Variants in GLP1R observed in about 807,000 individuals in gnomAD.
GLP1R encodes the protein glucagon like peptide 1 receptor, also known as glucagon-like peptide 1 receptor.
Under a neutral mutation model 68.4 loss-of-function variants are expected in GLP1R, and 32 were observed. The ratio of observed to expected loss-of-function variants is 0.47; its 90% confidence interval spans 0.35 to 0.63. The LOEUF (loss-of-function observed/expected upper bound fraction) is 0.63. GLP1R is among the 20% of genes least tolerant of loss of function. GLP1R has a pLI of 0.00. For missense variants in GLP1R, 502 were observed against 594.9 expected, an observed-to-expected ratio of 0.84 and a Z score of 1.62; for synonymous variants, 263 against 244.4, an observed-to-expected ratio of 1.08 and a Z score of -0.71.
At chr6:39,063,075 G>A (rs1415541316) in intron 3 of GLP1R, among the ~76,000 whole-genome samples, 2 of 152,170 alleles carry the variant, frequency 1.3e-5, no homozygotes, top group Non-Finnish European at 2.9e-5. Context: ...CTGGGTATGC[G>A]GGTCTTTAGA....
At position 39,049,025 on chromosome 6, in the gene GLP1R, C is replaced by G. The variant is rs10305422; in HGVS notation, c.78+107C>G. On this transcript the variant is annotated intron_variant, in intron 1 of 12. Transcript: ENST00000373256. This position sits in a 1 kb window ranked among gnomAD's most constrained non-coding sequence, Gnocchi z 4.5. Reference sequence around the variant, plus strand: ...CGGGACTTGAACGAAACTCCGAGACCGCTGGCGGGGGCATCCGAAAGCCTC... The same window carrying G: ...CGGGACTTGAACGAAACTCCGAGACGGCTGGCGGGGGCATCCGAAAGCCTC... 1.2e-5 allele frequency: 6 copies of G among 506,074 alleles called. No homozygotes were observed. The highest frequency in any genetic ancestry group is 2.0e-5 in the Non-Finnish European group (6 of 296,386). 31.3% of individuals were successfully genotyped at this position (506,074 alleles called of 1,614,324 possible). A position where few individuals can be genotyped will look rare whatever the true frequency, so the allele number is the denominator to read the frequency against.
chr6:39,081,283 G>A (rs1380306549), intron 12 of GLP1R, among the ~76,000 whole-genome samples: 3 of 152,196 alleles, frequency 2.0e-5, no homozygotes, highest in African/African-American at 7.2e-5. Context: ...TGGCTAAGGT[G>A]AAGTGTGGAA....
rs939246929 is a variant in GLP1R at position 39,056,335 on chromosome 6, G to T, written c.79-62G>T. 1.7e-5 allele frequency: 14 copies of T among 835,942 alleles called. No individual in the cohort carries two copies. The African/African-American group carries it at 2.0e-4, about 12-fold the overall frequency. 51.8% of individuals were successfully genotyped at this position (835,942 alleles called of 1,614,324 possible). Reference sequence around the variant, plus strand: ...ATTGAGAAACCAAGTGTGTTAGGGGGTGAGGGGGCAGGAGAGGGGCTGGCT... The same window carrying T: ...ATTGAGAAACCAAGTGTGTTAGGGGTTGAGGGGGCAGGAGAGGGGCTGGCT... On this transcript the variant is annotated intron_variant, in intron 1 of 12. Coordinates refer to ENST00000373256, the MANE Select transcript of GLP1R (RefSeq NM_002062.5).
At position 39,090,549 on chromosome 6, in the gene GLP1R, A is replaced by C. The variant is rs940570544; in HGVS notation, c.*4476A>C. On this transcript the variant is annotated 3_prime_UTR_variant, in exon 13 of 13. Transcript: ENST00000373256. ...TGTGACCAATTTGGGGGTGCAGCTG[A>C]GAGTGAGGTGCTGTCAGGGCTGAAA... Among the ~76,000 whole-genome samples, 1 of 152,162 alleles carries C rather than the reference A, an allele frequency of 6.6e-6. No homozygotes were observed. The highest frequency in any genetic ancestry group is 2.4e-5 in the African/African-American group (1 of 41,432).
rs2150841919 is a variant in GLP1R at position 39,088,245 on chromosome 6, C to G, written c.*2172C>G. 6.6e-6 allele frequency among the ~76,000 whole-genome samples: 1 copy of G among 152,234 alleles called. No individual in the cohort carries two copies. The highest frequency in any genetic ancestry group is 3.4e-3 in the Middle Eastern group (1 of 294). ...GAAGTTTTTCCTTCATGAATACATACAAGATACCGAACTGAAGAAATCTTT... is the reference window on the plus strand; with the variant it reads ...GAAGTTTTTCCTTCATGAATACATAGAAGATACCGAACTGAAGAAATCTTT... On this transcript the variant is annotated 3_prime_UTR_variant, in exon 13 of 13. Coordinates refer to ENST00000373256, the MANE Select transcript of GLP1R (RefSeq NM_002062.5).
chr6:39,083,099 C>T (rs1769050246), intron 12 of GLP1R, among the ~76,000 whole-genome samples: 2 of 152,166 alleles, frequency 1.3e-5, no homozygotes, highest in African/African-American at 4.8e-5. Context: ...AAAACTTGAT[C>T]CTGAATCACC....
At position 39,066,253 on chromosome 6, in the gene GLP1R, A is replaced by G. The variant is rs201054848; in HGVS notation, c.459A>G (p.Ala153=). ...ACATCATCTACACGGTGGGCTACGC[A>G]CTCTCCTTCTCTGCTCTGGTTATCG... ...FLYIIYTVGY[A]LSFSALVIAS... is the part of the protein sequence containing the mutation. The change falls in exon 5 of 13, where the codon GCA becomes GCG. Residue 153 remains alanine (A), a synonymous_variant. Transcript: ENST00000373256. 6.2e-7 allele frequency: 1 copy of G among 1,612,442 alleles called. No homozygotes were observed. Among genetic ancestry groups the G allele is most frequent in the Non-Finnish European group, 8.5e-7 (1 of 1,179,234 alleles).
intron 12 of GLP1R, among the ~76,000 whole-genome samples, chr6:39,082,893 T>C (rs1769043283): frequency 6.6e-6 from 1 of 151,952 alleles, no homozygotes; most frequent in Admixed American, 6.6e-5. Context: ...TCTGACACTG[T>C]CACTGCAGCC....
intron 1 of GLP1R, among the ~76,000 whole-genome samples, chr6:39,055,929 C>G (rs149325666): frequency 6.6e-6 from 1 of 152,272 alleles, no homozygotes; most frequent in Non-Finnish European, 1.5e-5. Flanking sequence ...GCTGTGCACC[C>G]TTGATTCAGT....
chr6:39,084,650 G>A lies in GLP1R; in HGVS notation c.1225-1256G>A, dbSNP rs1309984233. Among the ~76,000 whole-genome samples the A allele has an allele frequency of 1.3e-5, 2 of 152,302 alleles. 1 individual carries two copies. The highest frequency in any genetic ancestry group is 3.9e-4 in the East Asian group (2 of 5,180). ...CTGGCATACAACAGGGTGGCTGTAG[G>A]TGGTGTCTGCTCAGCCTCCTTCCCT... On this transcript the variant is annotated intron_variant, in intron 12 of 12. Transcript: ENST00000373256.
rs549925974 is a variant in GLP1R at position 39,082,936 on chromosome 6, C to T, written c.1224+2197C>T. Among the ~76,000 whole-genome samples the T allele has an allele frequency of 9.2e-5, 14 of 152,150 alleles. No homozygotes were observed. The South Asian group carries it at 1.0e-3, about 11-fold the overall frequency. On this transcript the variant is annotated intron_variant, in intron 12 of 12. Transcript: ENST00000373256. ...CAGACACGTGTGCTTGGCTTCCCCCCCGCCATTGTGAACAGTCTCCCCTGA... is the reference window on the plus strand; with the variant it reads ...CAGACACGTGTGCTTGGCTTCCCCCTCGCCATTGTGAACAGTCTCCCCTGA...
intron 3 of GLP1R, among the ~76,000 whole-genome samples, chr6:39,064,305 G>A (rs374411515): frequency 2.0e-5 from 3 of 152,022 alleles, no homozygotes; most frequent in Admixed American, 2.0e-4. Flanking sequence ...ACACCCAGCC[G>A]AGACCCAGTT....
In GLP1R at chr6:39,086,166, G is replaced by GTCAC. The variant is rs1437497809; in HGVS notation, c.*93_*94insTCAC. ...ACTCCCAGGGACAAGGGAAGGAAGGGACACACACACACACACACACACACA... is the reference window on the plus strand; with the variant it reads ...ACTCCCAGGGACAAGGGAAGGAAGGGTCACACACACACACACACACACACACACA... On this transcript the variant is annotated 3_prime_UTR_variant, in exon 13 of 13. Transcript: ENST00000373256. The surrounding 1 kb of genome is among the most constrained non-coding windows in gnomAD (Gnocchi z 4.5). 1.8e-6 allele frequency: 1 copy of GTCAC among 550,906 alleles called. No homozygotes were observed. Among genetic ancestry groups the GTCAC allele is most frequent in the Non-Finnish European group, 3.2e-6 (1 of 314,862 alleles). The allele number at this position is 550,906 out of a possible 1,614,324, so 34.1% of individuals were successfully genotyped here. A position where few individuals can be genotyped will look rare whatever the true frequency, so the allele number is the denominator to read the frequency against.
chr6:39,085,895 T>A lies in GLP1R; in HGVS notation c.1225-11T>A, dbSNP rs548378625. On this transcript the variant is annotated splice_polypyrimidine_tract_variant and intron_variant, in intron 12 of 12. Transcript: ENST00000373256. ...ATGATGGCTTTCGTTTCCCTCCTTT[T>A]CCCATGGAAGGTCCAGCTGGAATTT... 3.0e-5 allele frequency: 49 copies of A among 1,613,578 alleles called. 1 individual carries two copies. Among genetic ancestry groups the A allele is most frequent in the Non-Finnish European group, 4.1e-5 (48 of 1,179,680 alleles).
intron 7 of GLP1R, chr6:39,074,356 C>T (rs1768757769): frequency 6.6e-6 from 1 of 151,252 alleles, no homozygotes; most frequent in South Asian, 2.1e-4. Flanking sequence ...ACCATTGTGT[C>T]TTTTTTTTTG....
rs1489186476 is a variant in GLP1R at position 39,088,130 on chromosome 6, G to GT, written c.*2058dup. Among the ~76,000 whole-genome samples, 19 of 152,136 alleles carry GT rather than the reference G, an allele frequency of 1.2e-4. No individual in the cohort carries two copies. Among genetic ancestry groups the GT allele is most frequent in the Non-Finnish European group, 2.5e-4 (17 of 68,018 alleles). On this transcript the variant is annotated 3_prime_UTR_variant, in exon 13 of 13. Transcript: ENST00000373256. ...AAGCTCAAATCATTTAGTTTAAACT[G>GT]TAAGTAGAGTTGTCTTCCCAACGAG...
At chr6:39,073,580 G>A in intron 6 of GLP1R, 30 bp from the exon 7 acceptor site, 1 of 1,606,716 alleles carries the variant, frequency 6.2e-7, no homozygotes. Context: ...CAGAGCTGTT[G>A]TCCCCATGAC....
At chr6:39,071,842 T>C (rs536945079) in intron 5 of GLP1R, among the ~76,000 whole-genome samples, 1 of 152,302 alleles carries the variant, frequency 6.6e-6, no homozygotes, top group South Asian at 2.1e-4. Context: ...TTTTTATGAA[T>C]ACGGAGAGAC....
chr6:39,057,696 C>T (rs1457852411), intron 3 of GLP1R, 117 bp downstream of exon 3: 5 of 625,304 alleles, frequency 8.0e-6, no homozygotes, highest in Non-Finnish European at 1.5e-5. Context: ...CTGATACCTG[C>T]CCTGGGCCAG....
Sources: allele counts gnomAD v4.1 joint callset (sites outside exome capture counted in the v4.1 genomes callset), GRCh38; gene constraint gnomAD v4.1.1; non-coding constraint Gnocchi (gnomAD v3.1); transcripts MANE v1.5; gene names NCBI Gene and HGNC (gene_info 2026-07-23, HGNC 2026-07-21).